The following HIF3A variants were observed in gnomAD, a reference collection of about 807,000 sequenced individuals.
HIF3A encodes hypoxia inducible factor 3 subunit alpha, also known as hypoxia-inducible factor 3-alpha.
Under a neutral mutation model 67.2 loss-of-function variants are expected in HIF3A, and 41 were observed. That is an observed-to-expected ratio of 0.61 (90% CI 0.48 to 0.79). The LOEUF is 0.79. Among genes scored for constraint, HIF3A ranks in the 30% least tolerant of loss-of-function variants. HIF3A has a pLI of 0.00. For missense variants in HIF3A, 855 were observed against 898.0 expected, an observed-to-expected ratio of 0.95 and a Z score of 0.61; for synonymous variants, 356 against 374.8, an observed-to-expected ratio of 0.95 and a Z score of 0.58.
chr19:46,312,030 T>C (rs1280579855), intron 6 of HIF3A, 131 bp from the exon 7 acceptor site: 1 of 794,452 alleles, frequency 1.3e-6, no homozygotes, highest in Admixed American at 1.7e-5. Flanking sequence ...CTTACTCCTT[T>C]TCTCTCGGTT....
intron 14 of HIF3A, among the ~76,000 whole-genome samples, chr19:46,338,009 T>C (rs1568552199): frequency 6.6e-6 from 1 of 152,182 alleles, no homozygotes; most frequent in South Asian, 2.1e-4. Flanking sequence ...TATTTGTGAA[T>C]GAGGAGCTAA....
intron 1 of HIF3A, chr19:46,298,522 G>A (rs1272012302): frequency 7.9e-7 from 1 of 1,270,676 alleles, no homozygotes; most frequent in Admixed American, 2.4e-5. Context: ...ATGGTGAGTG[G>A]GCCCCCAACA....
intron 10 of HIF3A, among the ~76,000 whole-genome samples, chr19:46,323,970 G>T (rs534391480): frequency 6.6e-6 from 1 of 152,182 alleles, no homozygotes; most frequent in South Asian, 2.1e-4. Flanking sequence ...GGGTGGGGAC[G>T]CAGCCAAACC....
Position 46,304,050 on chromosome 19 carries a change from C to T in HIF3A, c.179C>T (p.Thr60Ile), listed in dbSNP as rs1316233218. Residue 60 changes from threonine to isoleucine, a missense_variant, in exon 2 of 15, where the codon ACC becomes ATC. By Grantham distance (89) the Thr-to-Ile change is moderately conservative. Coordinates refer to ENST00000377670, the MANE Select transcript of HIF3A (RefSeq NM_152795.4). ...HLDKASIMRL[T>I]ISYLRMHRLC... ...GACAAGGCCTCTATCATGCGCCTCA[C>T]CATCAGCTACCTGCGCATGCACCGC... 1 of 1,583,946 alleles carries T rather than the reference C, an allele frequency of 6.3e-7. No individual in the cohort carries two copies. Among genetic ancestry groups the T allele is most frequent in the Non-Finnish European group, 8.6e-7 (1 of 1,165,954 alleles).
At position 46,303,608 on chromosome 19, in the gene HIF3A, A is replaced by G. The variant is rs1968523147; in HGVS notation, c.27-290A>G. The G allele has an allele frequency of 1.9e-6, 3 of 1,560,412 alleles. No homozygotes were observed. The Admixed American group carries it at 6.1e-5, about 32-fold the overall frequency. On this transcript the variant is annotated intron_variant, in intron 1 of 14. Coordinates refer to ENST00000377670, the MANE Select transcript of HIF3A (RefSeq NM_152795.4). ...CTGGGAAATAAACTGCAGATAAGTC[A>G]GGGAGGGGACAGAGCGGCCCTAGGC...
In HIF3A at chr19:46,339,577, CG is replaced by C; in HGVS notation, c.1970del (p.Gly657AlafsTer83). The C allele has an allele frequency of 2.5e-6, 4 of 1,609,214 alleles. No individual in the cohort carries two copies. The highest frequency in any genetic ancestry group is 1.7e-5 in the Admixed American group (1 of 59,700). On this transcript the variant is annotated frameshift_variant, in exon 15 of 15. Transcript: ENST00000377670. LOFTEE classifies it high-confidence loss of function. Reference sequence around the variant, plus strand: ...ACTCAGACGAGGACACTACCCAGCCCGGGGGCCCCTTCCAGCCAAGGGCAGG... The same window carrying C: ...ACTCAGACGAGGACACTACCCAGCCCGGGGCCCCTTCCAGCCAAGGGCAGG... Reference protein sequence around the residue: ...PYSDEDTTQPGGPFQPRAGSA... With the variant: ...PYSDEDTTQPXGPFQPRAGSA...
Position 46,325,583 on chromosome 19 carries a change from C to T in HIF3A, c.1384C>T (p.Leu462Phe). The change falls in exon 11 of 15, where the codon CTC becomes TTC. Residue 462 changes from leucine (L) to phenylalanine (F), a missense_variant. By Grantham distance (22) the Leu-to-Phe change is conservative. This residue lies in a region of HIF3A where 638 missense variants were observed against 660.5 expected (regional missense o/e 0.97). Coordinates refer to ENST00000377670, the MANE Select transcript of HIF3A (RefSeq NM_152795.4). ...LPVGTENVHR[L>F]FTSGKDTEAV... Reference sequence around the variant, plus strand: ...TGTGGGCACCGAGAATGTGCACAGACTCTTCACCTCCGGGAAAGACACTGA... The same window carrying T: ...TGTGGGCACCGAGAATGTGCACAGATTCTTCACCTCCGGGAAAGACACTGA... 2.5e-6 allele frequency: 4 copies of T among 1,613,616 alleles called. No individual in the cohort carries two copies. Among genetic ancestry groups the T allele is most frequent in the Non-Finnish European group, 3.4e-6 (4 of 1,179,908 alleles).
chr19:46,318,533 A>T (rs1970103539), intron 8 of HIF3A, among the ~76,000 whole-genome samples: 1 of 121,604 alleles, frequency 8.2e-6, no homozygotes, highest in Non-Finnish European at 1.6e-5. Context: ...TGAGCGAGAG[A>T]GTGAGATCCT....
chr19:46,325,150 C>T (rs1970684427), intron 10 of HIF3A, among the ~76,000 whole-genome samples: 1 of 151,472 alleles, frequency 6.6e-6, no homozygotes, highest in Non-Finnish European at 1.5e-5. Context: ...ATGTGTGCCA[C>T]CACACCCAGC....
At chr19:46,312,129 C>G in intron 6 of HIF3A, 32 bp from the exon 7 acceptor site, 1 of 1,549,734 alleles carries the variant, frequency 6.5e-7, no homozygotes, top group Non-Finnish European at 8.9e-7. Flanking sequence ...CCAGTAGCAT[C>G]CTGACCAGAC....
chr19:46,316,871 C>T (rs764057779), intron 8 of HIF3A, among the ~76,000 whole-genome samples: 2 of 151,834 alleles, frequency 1.3e-5, no homozygotes, highest in African/African-American at 2.4e-5. Flanking sequence ...GGACATGCAC[C>T]AGTTTTCTAA....
chr19:46,299,474 C>A (rs1165519425), intron 1 of HIF3A, among the ~76,000 whole-genome samples: 2 of 152,088 alleles, frequency 1.3e-5, no homozygotes, highest in African/African-American at 4.8e-5. Context: ...TATTCCAGCA[C>A]TTTGGGAGGC....
chr19:46,332,395 G>A lies in HIF3A; in HGVS notation c.1830+1122G>A, dbSNP rs191476835. Reference sequence around the variant, plus strand: ...CAAAAAAAAAAAAATTAAAATTTAAGCGGGTGTGGTGGCATGTGCCTGTAG... The same window carrying A: ...CAAAAAAAAAAAAATTAAAATTTAAACGGGTGTGGTGGCATGTGCCTGTAG... On this transcript the variant is annotated intron_variant, in intron 13 of 14. Transcript: ENST00000377670. Among the ~76,000 whole-genome samples, 264 of 152,012 alleles carry A rather than the reference G, an allele frequency of 1.7e-3. 1 individual carries two copies. The highest frequency in any genetic ancestry group is 5.6e-3 in the African/African-American group (234 of 41,482).
At chr19:46,329,557 C>A in intron 12 of HIF3A, 79 bp downstream of exon 12, 1 of 1,409,692 alleles carries the variant, frequency 7.1e-7, no homozygotes, top group Non-Finnish European at 9.3e-7. Flanking sequence ...TCAGCCTCAT[C>A]CCTCACCATT....
rs948213705 is a variant in HIF3A, at chr19:46,312,748, T to C, written c.1025+95T>C. ...GTGTGTGTGTGTGTGCGTATGAGCA[T>C]GCATGTGTATCATGCATAAGTGTAT... is the stretch of plus-strand genomic sequence containing the variant. On this transcript the variant is annotated intron_variant, in intron 8 of 14. Transcript: ENST00000377670. 1.8e-4 allele frequency: 261 copies of C among 1,467,416 alleles called. 1 individual carries two copies. The highest frequency in any genetic ancestry group is 3.3e-5 in the Non-Finnish European group (37 of 1,105,314). 90.9% of individuals were successfully genotyped at this position (1,467,416 alleles called of 1,614,324 possible).
chr19:46,301,143 G>A (rs777545005), intron 1 of HIF3A, among the ~76,000 whole-genome samples: 13 of 152,138 alleles, frequency 8.5e-5, no homozygotes, highest in East Asian at 3.9e-4. Context: ...GACAGGGGCC[G>A]TATCTCCCCT....
intron 9 of HIF3A, among the ~76,000 whole-genome samples, chr19:46,321,079 T>G (rs1458207573): frequency 6.6e-6 from 1 of 152,156 alleles, no homozygotes; most frequent in African/African-American, 2.4e-5. Context: ...TGGGGTGGGA[T>G]TGCTGATATA....
In HIF3A at chr19:46,341,633, C is replaced by CTTTTTTTTTTT. The variant is rs1568556736; in HGVS notation, c.*2011_*2012insTTTTTTTTTTT. ...TTGATGTGTTTATCTCTTTTTTCTT[C>CTTTTTTTTTTT]CTCTTCTTTTTTTTTTTTTTCTTTT... On this transcript the variant is annotated 3_prime_UTR_variant, in exon 15 of 15. Coordinates refer to ENST00000377670, the MANE Select transcript of HIF3A (RefSeq NM_152795.4). The CTTTTTTTTTTT allele has an allele frequency of 2.0e-5, 3 of 149,888 alleles. No homozygotes were observed. Among genetic ancestry groups the CTTTTTTTTTTT allele is most frequent in the African/African-American group, 7.5e-5 (3 of 39,812 alleles). 9.3% of individuals were successfully genotyped at this position (149,888 alleles called of 1,614,324 possible). A position where few individuals can be genotyped will look rare whatever the true frequency, so the allele number is the denominator to read the frequency against.
At position 46,319,819 on chromosome 19, in the gene HIF3A, C is replaced by T. The variant is rs372601996; in HGVS notation, c.1026-624C>T. 2.5e-4 allele frequency among the ~76,000 whole-genome samples: 38 copies of T among 152,300 alleles called. 2 individuals carry two copies. The highest frequency in any genetic ancestry group is 1.7e-3 in the Admixed American group (26 of 15,286). On this transcript the variant is annotated intron_variant, in intron 8 of 14. Transcript: ENST00000377670. ...TCTGTCTTTCAGTGCCGCCCCACCC[C>T]CTTCCCTCAGTCTTCCTCCTCTCTG...
Sources: gnomAD v4.1 joint callset for allele counts (sites outside exome capture counted in the v4.1 genomes callset) on GRCh38, gnomAD v4.1.1 for gene constraint, gnomAD v4.1.1 regional missense constraint, MANE v1.5 for transcripts, NCBI Gene and HGNC (gene_info 2026-07-23, HGNC 2026-07-21) for gene names.